Variants in PPARGC1A observed in about 807,000 individuals in gnomAD.
PPARGC1A encodes peroxisome proliferator-activated receptor gamma coactivator 1-alpha.
Under a neutral mutation model 88.7 loss-of-function variants are expected in PPARGC1A, and 25 were observed. The observed-to-expected ratio is 0.28, with a 90% confidence interval of 0.21 to 0.39. PPARGC1A has a LOEUF of 0.39. Ranked by LOEUF, PPARGC1A falls within the 10% of genes least tolerant of loss-of-function variation. The pLI, the probability that PPARGC1A is intolerant of heterozygous loss-of-function variation, is 1.00. For missense variants in PPARGC1A, 880 were observed against 968.7 expected, an observed-to-expected ratio of 0.91 and a Z score of 1.22; for synonymous variants, 363 against 355.6, an observed-to-expected ratio of 1.02 and a Z score of -0.24.
the PPARGC1A span, among the ~76,000 whole-genome samples, chr4:24,439,749 A>G: frequency 6.6e-6 from 1 of 152,234 alleles, no homozygotes; most frequent in African/African-American, 2.4e-5. Flanking sequence ...TGATCTTTGC[A>G]CATCAAAAAT....
At chr4:24,153,590 T>C in the PPARGC1A span, among the ~76,000 whole-genome samples, 1 of 152,300 alleles carries the variant, frequency 6.6e-6, no homozygotes, top group African/African-American at 2.4e-5. Context: ...CAAACTGAAA[T>C]ATTTTTCTGC....
the PPARGC1A span, among the ~76,000 whole-genome samples, chr4:24,395,625 TC>T: frequency 5.9e-5 from 9 of 152,232 alleles, no homozygotes; most frequent in African/African-American, 2.2e-4. Context: ...AAGCTGTTCT[TC>T]CAACGGACAG....
chr4:24,379,627 T>G, the PPARGC1A span, among the ~76,000 whole-genome samples: 2 of 151,936 alleles, frequency 1.3e-5, no homozygotes, highest in African/African-American at 4.8e-5. Flanking sequence ...TATATTAACT[T>G]TGGAAAAGGT....
chr4:23,874,453 G>A (rs920850833), intron 2 of PPARGC1A, among the ~76,000 whole-genome samples: 2 of 152,044 alleles, frequency 1.3e-5, no homozygotes, highest in African/African-American at 4.8e-5. Flanking sequence ...GTGACTCTTG[G>A]GAACACTGTG....
the PPARGC1A span, among the ~76,000 whole-genome samples, chr4:24,209,133 C>A: frequency 6.6e-6 from 1 of 152,100 alleles, no homozygotes; most frequent in Non-Finnish European, 1.5e-5. Context: ...GGGACAGGAG[C>A]CATTCAAAGG....
At position 23,824,516 on chromosome 4, in the gene PPARGC1A, A is replaced by C; in HGVS notation, c.758-8T>G. 1 of 1,578,924 alleles carries C rather than the reference A, an allele frequency of 6.3e-7. No homozygotes were observed. The highest frequency in any genetic ancestry group is 2.2e-5 in the East Asian group (1 of 44,594). ...ATAAAGTTGTTGGTTTGGCTAAAGA[A>C]AAAAAAAAGAAACTAATTATGTAAT... On this transcript the variant is annotated splice_region_variant and splice_polypyrimidine_tract_variant and intron_variant, in intron 5 of 12. Coordinates refer to ENST00000264867, the MANE Select transcript of PPARGC1A (RefSeq NM_013261.5).
At chr4:24,157,907 T>C in the PPARGC1A span, among the ~76,000 whole-genome samples, 1 of 151,970 alleles carries the variant, frequency 6.6e-6, no homozygotes, top group Non-Finnish European at 1.5e-5. Flanking sequence ...AAAAGCAAAT[T>C]AGATATCACT....
the PPARGC1A span, among the ~76,000 whole-genome samples, chr4:24,277,149 G>A: frequency 6.6e-6 from 1 of 152,082 alleles, no homozygotes; most frequent in Non-Finnish European, 1.5e-5. Context: ...CTGGAGTGCA[G>A]TGGTGTGCTC....
chr4:24,168,107 C>T, the PPARGC1A span, among the ~76,000 whole-genome samples: 1 of 152,190 alleles, frequency 6.6e-6, no homozygotes, highest in Non-Finnish European at 1.5e-5. Context: ...AATGCTATCA[C>T]ACACTTCAAA....
chr4:24,005,751 T>C, the PPARGC1A span, among the ~76,000 whole-genome samples: 5 of 152,048 alleles, frequency 3.3e-5, no homozygotes, highest in South Asian at 1.0e-3. Flanking sequence ...TTGGGCATAG[T>C]GACCGGCTCT....
intron 2 of PPARGC1A, among the ~76,000 whole-genome samples, chr4:23,855,612 G>A (rs10002590): frequency 0.15 from 22,621 of 152,088 alleles, 1,742 homozygotes; most frequent in Admixed American, 0.18. Flanking sequence ...AATAAGCACC[G>A]ACTATATTTC....
the PPARGC1A span, among the ~76,000 whole-genome samples, chr4:23,994,321 C>T: frequency 6.6e-6 from 1 of 152,064 alleles, no homozygotes; most frequent in Non-Finnish European, 1.5e-5. Context: ...GAAGATTCAG[C>T]AGAGAGACTT....
chr4:24,440,608 C>T, the PPARGC1A span, among the ~76,000 whole-genome samples: 3 of 152,170 alleles, frequency 2.0e-5, no homozygotes, highest in South Asian at 4.1e-4. Context: ...TTGAGACCAG[C>T]CTGGCCAACA....
the PPARGC1A span, among the ~76,000 whole-genome samples, chr4:24,100,751 CA>C: frequency 6.6e-6 from 1 of 152,030 alleles, no homozygotes; most frequent in Non-Finnish European, 1.5e-5. Flanking sequence ...CATAAAACCA[CA>C]AAAAAATATA....
At chr4:24,063,784 G>A in the PPARGC1A span, among the ~76,000 whole-genome samples, 17 of 152,142 alleles carry the variant, frequency 1.1e-4, no homozygotes, top group Non-Finnish European at 4.4e-5. Flanking sequence ...CAAGTCTGCT[G>A]CTATTCCAGT....
the PPARGC1A span, among the ~76,000 whole-genome samples, chr4:24,296,835 C>T: frequency 6.6e-6 from 1 of 152,326 alleles, no homozygotes; most frequent in Non-Finnish European, 1.5e-5. Context: ...CAAGGTCACA[C>T]AGCTGGTAAA....
chr4:24,350,083 G>A, the PPARGC1A span, among the ~76,000 whole-genome samples: 1 of 152,218 alleles, frequency 6.6e-6, no homozygotes, highest in African/African-American at 2.4e-5. Context: ...TTCTCCAGTG[G>A]GGGGTGTGTT....
chr4:24,092,716 G>C, the PPARGC1A span, among the ~76,000 whole-genome samples: 3 of 152,078 alleles, frequency 2.0e-5, no homozygotes, highest in Non-Finnish European at 4.4e-5. Flanking sequence ...TGAGACTAAA[G>C]CCCATTCTAC....
At chr4:24,339,212 G>A in the PPARGC1A span, among the ~76,000 whole-genome samples, 7,054 of 58,668 alleles carry the variant, frequency 0.12, 216 homozygotes, top group Admixed American at 0.2. Context: ...GTGTGTGTGT[G>A]TATATATATA....
Sources: gnomAD v4.1 joint callset for allele counts (sites outside exome capture counted in the v4.1 genomes callset) on GRCh38, gnomAD v4.1.1 for gene constraint, MANE v1.5 for transcripts, NCBI Gene and HGNC (gene_info 2026-07-23, HGNC 2026-07-21) for gene names.